GRID2: variants seen among roughly 807,000 people sequenced by gnomAD.
The protein encoded by GRID2 is glutamate receptor ionotropic, delta-2.
In GRID2, 33 loss-of-function variants were observed where a neutral mutation model predicts 114.8. The observed-to-expected ratio is 0.29, with a 90% confidence interval of 0.22 to 0.38. The LOEUF is 0.38. Ranked by LOEUF, GRID2 falls within the 10% of genes least tolerant of loss-of-function variation. The pLI, the probability that GRID2 is intolerant of heterozygous loss-of-function variation, is 1.00. For missense variants in GRID2, 1,184 were observed against 1,257.7 expected (o/e 0.94, Z 0.89); for synonymous variants, 505 against 449.9 (o/e 1.12, Z -1.55).
chr4:93,471,660 C>A (rs1724808841), intron 11 of GRID2, among the ~76,000 whole-genome samples: 1 of 142,078 alleles, frequency 7.0e-6, no homozygotes, highest in African/African-American at 2.7e-5. Flanking sequence ...ATTCCTTATT[C>A]ATTACTTAAT....
At chr4:93,297,072 T>C (rs944999934) in intron 8 of GRID2, among the ~76,000 whole-genome samples, 2 of 152,188 alleles carry the variant, frequency 1.3e-5, no homozygotes, top group African/African-American at 4.8e-5. Context: ...GTCATATCTA[T>C]GGCATACATT....
chr4:93,189,089 C>T, intron 4 of GRID2, among the ~76,000 whole-genome samples: 1 of 152,124 alleles, frequency 6.6e-6, no homozygotes, highest in East Asian at 1.9e-4. Flanking sequence ...CAGATTCTCC[C>T]AGGTTCTGCC....
intron 1 of GRID2, among the ~76,000 whole-genome samples, chr4:92,435,243 C>T (rs1732681144): frequency 6.6e-6 from 1 of 152,088 alleles, no homozygotes; most frequent in African/African-American, 2.4e-5. Context: ...TCACAAATTT[C>T]CTTATAGGGT....
chr4:92,759,588 A>G (rs1737890484), intron 2 of GRID2, among the ~76,000 whole-genome samples: 1 of 151,900 alleles, frequency 6.6e-6, no homozygotes, highest in Non-Finnish European at 1.5e-5. Flanking sequence ...GTATATGTGT[A>G]TCATCTATGC....
At chr4:92,674,895 A>G (rs1036136816) in intron 2 of GRID2, among the ~76,000 whole-genome samples, 3 of 151,854 alleles carry the variant, frequency 2.0e-5, no homozygotes, top group East Asian at 1.9e-4. Flanking sequence ...TTTTTTTCCT[A>G]TTACTTTCAA....
rs147915274 is a variant in GRID2, at chr4:93,072,142, T to G, written c.245-12853T>G. 4.6e-3 allele frequency among the ~76,000 whole-genome samples: 699 copies of G among 152,194 alleles called. 8 individuals carry two copies. The highest frequency in any genetic ancestry group is 0.016 in the African/African-American group (677 of 41,544). On this transcript the variant is annotated intron_variant, in intron 2 of 15. Coordinates refer to ENST00000282020, the MANE Select transcript of GRID2 (RefSeq NM_001510.4). ...TGAATGTAAAAAGATACAAAGCACT[T>G]TTTCCCACCTGCACAATGAGAAAAA... is the stretch of plus-strand genomic sequence containing the variant.
At chr4:93,717,878 T>C (rs1729037115) in intron 14 of GRID2, among the ~76,000 whole-genome samples, 1 of 152,186 alleles carries the variant, frequency 6.6e-6, no homozygotes. Context: ...TACTACTTAC[T>C]ATCTTGAGAG....
At chr4:93,195,350 A>T (rs1741381580) in intron 4 of GRID2, among the ~76,000 whole-genome samples, 1 of 152,176 alleles carries the variant, frequency 6.6e-6, no homozygotes, top group Non-Finnish European at 1.5e-5. Context: ...ACTGTGGGCA[A>T]ATAGGTCTCA....
intron 2 of GRID2, among the ~76,000 whole-genome samples, chr4:92,992,809 T>C (rs1159391456): frequency 6.6e-6 from 1 of 152,194 alleles, no homozygotes; most frequent in East Asian, 1.9e-4. Context: ...ATATTTGAGA[T>C]GCCTTTCAGA....
chr4:93,402,808 G>T (rs996308387), intron 9 of GRID2, among the ~76,000 whole-genome samples: 14 of 151,988 alleles, frequency 9.2e-5, no homozygotes, highest in Non-Finnish European at 1.8e-4. Context: ...TTCCAGGCTA[G>T]CTTTAAATAG....
At chr4:92,612,310 A>G (rs1290634437) in intron 2 of GRID2, among the ~76,000 whole-genome samples, 1 of 151,458 alleles carries the variant, frequency 6.6e-6, no homozygotes, top group African/African-American at 2.4e-5. Context: ...CGTGTCTTCC[A>G]TTGATCTAAA....
chr4:93,537,656 A>AT (rs1732225346), intron 13 of GRID2, among the ~76,000 whole-genome samples: 1 of 151,836 alleles, frequency 6.6e-6, no homozygotes, highest in Non-Finnish European at 1.5e-5. Context: ...TTGAAAGGAA[A>AT]TTGCAGAAAG....
chr4:92,650,001 A>G (rs552764108), intron 2 of GRID2, among the ~76,000 whole-genome samples: 15 of 152,152 alleles, frequency 9.9e-5, no homozygotes, highest in East Asian at 5.8e-4. Flanking sequence ...TATTGAATGC[A>G]TATCACTTTC....
intron 2 of GRID2, among the ~76,000 whole-genome samples, chr4:92,966,336 G>T (rs938231784): frequency 6.6e-6 from 1 of 151,766 alleles, no homozygotes; most frequent in African/African-American, 2.4e-5. Context: ...TCGACCCTTC[G>T]GCCAAAAAGG....
At chr4:93,408,243 G>A (rs1226397633) in intron 9 of GRID2, among the ~76,000 whole-genome samples, 1 of 152,132 alleles carries the variant, frequency 6.6e-6, no homozygotes, top group Non-Finnish European at 1.5e-5. Context: ...ATCAGTCTCA[G>A]GGAAGATGCA....
chr4:93,447,658 T>A (rs1722215275), intron 10 of GRID2, among the ~76,000 whole-genome samples: 1 of 151,886 alleles, frequency 6.6e-6, no homozygotes, highest in African/African-American at 2.4e-5. Flanking sequence ...TGACAAAAAA[T>A]GTTATTTGTT....
At chr4:92,320,722 C>T (rs971127645) in intron 1 of GRID2, among the ~76,000 whole-genome samples, 10 of 152,200 alleles carry the variant, frequency 6.6e-5, no homozygotes, top group Non-Finnish European at 1.2e-4. Context: ...AAGCGATCCA[C>T]CTGCCTCGGC....
At chr4:93,158,105 C>G (rs1737347931) in intron 4 of GRID2, among the ~76,000 whole-genome samples, 1 of 151,752 alleles carries the variant, frequency 6.6e-6, no homozygotes, top group Non-Finnish European at 1.5e-5. Context: ...TTTAAGGTGA[C>G]AGCAAAAGTT....
At chr4:92,916,675 A>G (rs576425104) in intron 2 of GRID2, among the ~76,000 whole-genome samples, 16 of 152,190 alleles carry the variant, frequency 1.1e-4, no homozygotes, top group African/African-American at 3.9e-4. Flanking sequence ...CCATGTCCCT[A>G]CAAAGGATAT....
Sources: gnomAD v4.1 joint callset for allele counts (sites outside exome capture counted in the v4.1 genomes callset) on GRCh38, gnomAD v4.1.1 for gene constraint, MANE v1.5 for transcripts, NCBI Gene and HGNC (gene_info 2026-07-23, HGNC 2026-07-21) for gene names.